Variants in ANXA8 observed in about 807,000 individuals in gnomAD.
ANXA8 encodes annexin A8.
A neutral mutation model predicts 26.8 loss-of-function variants in ANXA8; 9 were observed. That is an observed-to-expected ratio of 0.34 (90% CI 0.20 to 0.59). The LOEUF is 0.59. Among genes scored for constraint, ANXA8 ranks in the 20% least tolerant of loss-of-function variants. The pLI is 0.84. For synonymous variants in ANXA8, 39 were observed against 94.8 expected, an observed-to-expected ratio of 0.41 and a Z score of 3.42; for missense variants, 83 against 238.5, an observed-to-expected ratio of 0.35 and a Z score of 4.29.
chr10:47,519,508 C>T, the ANXA8 span, among the ~76,000 whole-genome samples: 1 of 116,480 alleles, frequency 8.6e-6, no homozygotes, highest in Non-Finnish European at 1.8e-5. Flanking sequence ...TTCCCCCTTC[C>T]CCTCTCTCTT....
chr10:47,712,707 AG>A, the ANXA8 span, among the ~76,000 whole-genome samples: 1 of 64,632 alleles, frequency 1.5e-5, no homozygotes, highest in East Asian at 4.1e-4. Flanking sequence ...TATGTGTGTG[AG>A]CATCTGCATT....
the ANXA8 span, among the ~76,000 whole-genome samples, chr10:47,705,882 T>A: frequency 6.6e-6 from 1 of 150,730 alleles, no homozygotes; most frequent in Non-Finnish European, 1.5e-5. Context: ...CGTCCCCTTT[T>A]TTTGCCTTTA....
the ANXA8 span, chr10:47,991,615 G>A: frequency 2.5e-6 from 4 of 1,610,772 alleles, no homozygotes; most frequent in African/African-American, 2.7e-5. Context: ...CATTTCTCAG[G>A]ACTCCCTGGT....
the ANXA8 span, among the ~76,000 whole-genome samples, chr10:47,769,199 G>A: frequency 1.1e-4 from 16 of 147,188 alleles, 1 homozygote; most frequent in African/African-American, 2.6e-5. Context: ...GTGAAGGATC[G>A]AGGGTTCCTT....
chr10:47,605,847 C>T, the ANXA8 span, among the ~76,000 whole-genome samples: 2 of 139,056 alleles, frequency 1.4e-5, no homozygotes, highest in Non-Finnish European at 1.5e-5. Flanking sequence ...CCATAATGAG[C>T]ACAAGAAAGC....
the ANXA8 span, among the ~76,000 whole-genome samples, chr10:47,603,671 C>T: frequency 3.1e-4 from 46 of 149,082 alleles, no homozygotes; most frequent in East Asian, 7.5e-3. Context: ...ACCACCACGC[C>T]TGGCTAATTT....
At chr10:47,733,195 T>TTCTTTCTTTCTTTCTTTCTCTCTCTCTC in the ANXA8 span, among the ~76,000 whole-genome samples, 1 of 111,386 alleles carries the variant, frequency 9.0e-6, no homozygotes, top group Admixed American at 8.9e-5. Flanking sequence ...CTTTCTTTCT[T>TTCTTTCTTTCTTTCTTTCTCTCTCTCTC]TCTTTCTTTC....
At chr10:47,544,082 G>A in the ANXA8 span, among the ~76,000 whole-genome samples, 9 of 151,830 alleles carry the variant, frequency 5.9e-5, no homozygotes, top group South Asian at 1.0e-3. Flanking sequence ...AGGCACGCAC[G>A]AAGGACTCCA....
chr10:47,968,146 C>T, the ANXA8 span, among the ~76,000 whole-genome samples: 1 of 149,974 alleles, frequency 6.7e-6, no homozygotes, highest in African/African-American at 2.4e-5. Context: ...GGCCCTGCCA[C>T]CACTGTGCTT....
chr10:47,777,743 C>G, the ANXA8 span, among the ~76,000 whole-genome samples: 8 of 152,190 alleles, frequency 5.3e-5, 1 homozygote, highest in East Asian at 1.5e-3. Flanking sequence ...CATGGCACAA[C>G]TAAAGGGCAT....
the ANXA8 span, among the ~76,000 whole-genome samples, chr10:47,956,759 G>A: frequency 2.0e-5 from 3 of 150,020 alleles, no homozygotes; most frequent in Admixed American, 2.0e-4. Context: ...CTGGCTCACT[G>A]CGTCTTACCT....
the ANXA8 span, among the ~76,000 whole-genome samples, chr10:47,664,235 G>C: frequency 6.6e-6 from 1 of 151,954 alleles, no homozygotes; most frequent in African/African-American, 2.4e-5. Context: ...AAAATGAGCC[G>C]GGCGTGGTGG....
At chr10:47,484,836 T>C (rs1840000414), upstream of ANXA8, 1 of 474,398 alleles carries the variant, frequency 2.1e-6, no homozygotes, top group Non-Finnish European at 3.7e-6. Flanking sequence ...CTGTAGCTTC[T>C]CTGAACCCCT....
chr10:47,626,609 G>A, the ANXA8 span, among the ~76,000 whole-genome samples: 1 of 150,044 alleles, frequency 6.7e-6, no homozygotes, highest in African/African-American at 2.5e-5. Flanking sequence ...TATTACTCAT[G>A]ATAATTGGGC....
At chr10:47,949,690 A>G in the ANXA8 span, among the ~76,000 whole-genome samples, 83 of 150,172 alleles carry the variant, frequency 5.5e-4, no homozygotes, top group Non-Finnish European at 4.1e-4. Context: ...TTATAATAGT[A>G]TATTTGTAAT....
At chr10:47,535,121 C>T in the ANXA8 span, among the ~76,000 whole-genome samples, 7 of 126,228 alleles carry the variant, frequency 5.5e-5, 1 homozygote, top group East Asian at 6.1e-4. Context: ...ATCATGGGCG[C>T]GCAACACATG....
At chr10:47,633,910 C>T in the ANXA8 span, among the ~76,000 whole-genome samples, 2,306 of 139,330 alleles carry the variant, frequency 0.017, 78 homozygotes, top group African/African-American at 0.065. Flanking sequence ...TAGATGGGTC[C>T]GCACAACCCG....
chr10:47,505,530 A>G, the ANXA8 span, among the ~76,000 whole-genome samples: 2 of 136,798 alleles, frequency 1.5e-5, no homozygotes, highest in Non-Finnish European at 3.1e-5. Flanking sequence ...TTTAACTGTG[A>G]ACTGAAAAAT....
chr10:47,733,217 CTT>C, the ANXA8 span, among the ~76,000 whole-genome samples: 589 of 71,034 alleles, frequency 8.3e-3, 2 homozygotes, highest in South Asian at 0.014. Flanking sequence ...TTCTTTCTTT[CTT>C]TCTCTTTCTT....
Sources: gnomAD v4.1 joint callset for allele counts (sites outside exome capture counted in the v4.1 genomes callset) on GRCh38, gnomAD v4.1.1 for gene constraint, MANE v1.5 for transcripts, NCBI Gene and HGNC (gene_info 2026-07-23, HGNC 2026-07-21) for gene names.